The following PDE10A variants were observed in gnomAD, a reference collection of about 807,000 sequenced individuals.
PDE10A encodes the protein cAMP and cAMP-inhibited cGMP 3',5'-cyclic phosphodiesterase 10A.
PDE10A carries 39 observed loss-of-function variants against 97.7 expected under a neutral mutation model. That is an observed-to-expected ratio of 0.40 (90% CI 0.31 to 0.52). The LOEUF is 0.52. Among genes scored for constraint, PDE10A ranks in the 20% least tolerant of loss-of-function variants. PDE10A has a pLI of 0.56. For synonymous variants in PDE10A, 371 were observed against 376.8 expected, an observed-to-expected ratio of 0.98 and a Z score of 0.18; for missense variants, 731 against 1,047.8, an observed-to-expected ratio of 0.70 and a Z score of 4.17.
intron 1 of PDE10A, among the ~76,000 whole-genome samples, chr6:165,884,672 CTGAAA>C (rs1388918586): frequency 6.6e-6 from 1 of 152,194 alleles, no homozygotes; most frequent in Non-Finnish European, 1.5e-5. Flanking sequence ...CCTGATATGA[CTGAAA>C]TGAATTTTAT....
intron 1 of PDE10A, among the ~76,000 whole-genome samples, chr6:165,831,494 T>TTTTTTTTTTTTTG (rs1779914142): frequency 7.8e-6 from 1 of 127,732 alleles, no homozygotes; most frequent in Non-Finnish European, 1.7e-5. Context: ...TTTTTTTTAT[T>TTTTTTTTTTTTTG]TGAGACGGAG....
chr6:165,532,907 A>T (rs1782868748), intron 2 of PDE10A, among the ~76,000 whole-genome samples: 1 of 152,132 alleles, frequency 6.6e-6, no homozygotes, highest in African/African-American at 2.4e-5. Context: ...GGCTTCATAT[A>T]TTCTTTCACC....
At chr6:165,478,098 A>G (rs1779395186) in intron 3 of PDE10A, among the ~76,000 whole-genome samples, 2 of 152,144 alleles carry the variant, frequency 1.3e-5, no homozygotes, top group Non-Finnish European at 2.9e-5. Flanking sequence ...TTTTAATTTG[A>G]CCATATATGC....
intron 1 of PDE10A, among the ~76,000 whole-genome samples, chr6:165,715,410 T>C (rs79468845): frequency 0.01 from 1,598 of 152,290 alleles, 29 homozygotes; most frequent in African/African-American, 0.037. Context: ...ATTATATAAA[T>C]TCGAGCCAAT....
intron 1 of PDE10A, among the ~76,000 whole-genome samples, chr6:165,764,571 T>C (rs1359846102): frequency 1.3e-5 from 2 of 152,076 alleles, no homozygotes; most frequent in Admixed American, 6.6e-5. Context: ...TCTGGTGGGT[T>C]TGTGGTCTTG....
intron 13 of PDE10A, among the ~76,000 whole-genome samples, chr6:165,400,684 T>C (rs12528988): frequency 0.063 from 9,534 of 152,220 alleles, 403 homozygotes; most frequent in East Asian, 0.16. Flanking sequence ...CCCTCCCATG[T>C]TACCCACCAC....
chr6:165,777,002 A>C (rs756513910), intron 1 of PDE10A, among the ~76,000 whole-genome samples: 7 of 152,062 alleles, frequency 4.6e-5, no homozygotes, highest in Non-Finnish European at 1.0e-4. Context: ...CTTTCTCTTC[A>C]CTTTAAAACT....
At chr6:165,846,877 C>T (rs1409828767) in intron 1 of PDE10A, among the ~76,000 whole-genome samples, 2 of 152,208 alleles carry the variant, frequency 1.3e-5, no homozygotes, top group Non-Finnish European at 2.9e-5. Context: ...ACTGCAGCTT[C>T]TCTCACGAAG....
At chr6:165,445,872 G>T (rs1790811176) in intron 5 of PDE10A, among the ~76,000 whole-genome samples, 1 of 149,668 alleles carries the variant, frequency 6.7e-6, no homozygotes, top group Non-Finnish European at 1.5e-5. Context: ...AGAGGCCCAT[G>T]GAAGAATAGA....
At chr6:165,708,818 C>T (rs1791796164) in intron 1 of PDE10A, among the ~76,000 whole-genome samples, 1 of 111,550 alleles carries the variant, frequency 9.0e-6, no homozygotes, top group Non-Finnish European at 1.9e-5. Context: ...CACTCTCCAC[C>T]CCCATGCTGC....
chr6:165,620,428 T>TA (rs1474183242), intron 1 of PDE10A, among the ~76,000 whole-genome samples: 1 of 152,182 alleles, frequency 6.6e-6, no homozygotes. Flanking sequence ...GCCTTGCACT[T>TA]AGAGAGGCTA....
At chr6:165,969,852 G>A (rs914354836) in intron 1 of PDE10A, among the ~76,000 whole-genome samples, 7 of 152,196 alleles carry the variant, frequency 4.6e-5, no homozygotes, top group Admixed American at 1.3e-4. Flanking sequence ...CCATACTCAT[G>A]TAAATCAGCA....
chr6:165,702,090 G>A (rs772017307), intron 1 of PDE10A, among the ~76,000 whole-genome samples: 1 of 152,120 alleles, frequency 6.6e-6, no homozygotes, highest in Non-Finnish European at 1.5e-5. Context: ...AGATTTTCCC[G>A]TAAGTGGCAA....
At chr6:165,761,756 G>A (rs1161108497) in intron 1 of PDE10A, among the ~76,000 whole-genome samples, 1 of 151,744 alleles carries the variant, frequency 6.6e-6, no homozygotes, top group African/African-American at 2.4e-5. Context: ...TTAATATTAT[G>A]TTAAAAGAAA....
At chr6:165,653,036 T>C (rs1429367057) in intron 1 of PDE10A, among the ~76,000 whole-genome samples, 2 of 152,184 alleles carry the variant, frequency 1.3e-5, no homozygotes, top group African/African-American at 4.8e-5. Context: ...TGGTGCCAAC[T>C]AGTGTATTTG....
intron 1 of PDE10A, among the ~76,000 whole-genome samples, chr6:165,839,920 A>ACTCAATTCCCATCTTCAT (rs1780192531): frequency 3.0e-5 from 1 of 32,986 alleles, no homozygotes; most frequent in African/African-American, 1.0e-4. Flanking sequence ...TCCATCCCCA[A>ACTCAATTCCCATCTTCAT]CCTCATCTCC....
chr6:165,493,535 ATACT>A (rs531930499), intron 2 of PDE10A, among the ~76,000 whole-genome samples: 64 of 152,312 alleles, frequency 4.2e-4, no homozygotes, highest in African/African-American at 1.5e-3. Flanking sequence ...ATAAGGCGAA[ATACT>A]TACTGTCAAG....
intron 1 of PDE10A, among the ~76,000 whole-genome samples, chr6:165,857,653 C>A (rs1562770425): frequency 6.6e-6 from 1 of 151,340 alleles, no homozygotes; most frequent in Non-Finnish European, 1.5e-5. Flanking sequence ...GGTTGTCCTC[C>A]TTTGGAGCCC....
exon 1 of PDE10A, chr6:165,987,771 A>G (rs961251949): frequency 1.3e-5 from 6 of 453,416 alleles, no homozygotes; most frequent in Non-Finnish European, 4.4e-6. Flanking sequence ...GGCTTGGGGC[A>G]CTCTGGGGTG....
Sources: gnomAD v4.1 joint callset for allele counts (sites outside exome capture counted in the v4.1 genomes callset) on GRCh38, gnomAD v4.1.1 for gene constraint, MANE v1.5 for transcripts, NCBI Gene and HGNC (gene_info 2026-07-23, HGNC 2026-07-21) for gene names.